PGBD1: variants seen among roughly 807,000 people sequenced by gnomAD.
PGBD1 encodes piggyBac transposable element derived 1.
In PGBD1, 25 loss-of-function variants were observed where a neutral mutation model predicts 34.7. The observed-to-expected ratio is 0.72, with a 90% CI of 0.52 to 1.00. The LOEUF (loss-of-function observed/expected upper bound fraction) is 1.00. Ranked by LOEUF, PGBD1 falls within the 50% of genes least tolerant of loss-of-function variation. PGBD1 has a pLI of 0.00. For missense variants in PGBD1, 830 were observed against 959.4 expected (o/e 0.87, Z 1.78); for synonymous variants, 292 against 335.7 (o/e 0.87, Z 1.42).
chr6:28,284,512 G>T (rs1419452674), intron 2 of PGBD1, among the ~76,000 whole-genome samples: 1 of 151,766 alleles, frequency 6.6e-6, no homozygotes, highest in Admixed American at 6.6e-5. Context: ...TTGAGAGTCA[G>T]TTGCAAACAC....
At position 28,300,634 on chromosome 6, in the gene PGBD1, G is replaced by T; in HGVS notation, c.870-90G>T. 123 of 1,120,972 alleles carry T rather than the reference G, an allele frequency of 1.1e-4. No individual in the cohort carries two copies. Among genetic ancestry groups the T allele is most frequent in the Non-Finnish European group, 1.4e-4 (113 of 796,296 alleles). 69.4% of individuals were successfully genotyped at this position (1,120,972 alleles called of 1,614,324 possible). On this transcript the variant is annotated intron_variant, in intron 6 of 6. Transcript: ENST00000682144. The surrounding 1 kb of genome is among the most constrained non-coding windows in gnomAD (Gnocchi z 4.0). ...AAGTATCCCCCCACACCCACCCCAAGCCCCAAAAGATTTAAGCTTCAGCAG... is the reference window on the plus strand; with the variant it reads ...AAGTATCCCCCCACACCCACCCCAATCCCCAAAAGATTTAAGCTTCAGCAG...
rs751183633 is a variant in PGBD1 at position 28,284,087 on chromosome 6, T to C, written c.274T>C (p.Phe92Leu). The change falls in exon 2 of 7, where the codon TTC (phenylalanine) becomes CTC (leucine). Residue 92 changes from phenylalanine (F) to leucine (L), a missense_variant. Phe to Leu is a conservative substitution (Grantham distance 22). Transcript: ENST00000682144. ...AATGGAACTGCTGGTGCTGGAGCAG[T>C]TCCTGACCATCCTGCCCAAGGAGCT... The part of the protein sequence containing the change: ...QIMELLVLEQ[F>L]LTILPKELQP... 5.6e-6 allele frequency: 9 copies of C among 1,614,132 alleles called. No homozygotes were observed. The South Asian group carries it at 6.6e-5, about 12-fold the overall frequency.
At chr6:28,297,845 T>TTTTTAAAAAAA in intron 5 of PGBD1, 50 bp from the exon 6 acceptor site, 1 of 283,634 alleles carries the variant, frequency 3.5e-6, no homozygotes, top group Non-Finnish European at 6.6e-6. Context: ...TTTTTTTTTT[T>TTTTTAAAAAAA]CAAAATTCAC....
chr6:28,296,917 G>A lies in PGBD1; in HGVS notation c.744G>A (p.Gln248=), dbSNP rs1416083162. The change falls in exon 5 of 7, where the codon CAG becomes CAA. Residue 248 remains glutamine (Q), a synonymous_variant. Transcript: ENST00000682144. The part of the protein sequence containing the change: ...TRRNLCGNSA[Q]ETVMSLSPMT... ...GGAACCTCTGTGGGAACTCAGCTCA[G>A]GAGACAGTTATGAGCCTCAGTCCGA... is the stretch of plus-strand genomic sequence containing the variant. 6.2e-7 allele frequency: 1 copy of A among 1,614,030 alleles called. No homozygotes were observed. The highest frequency in any genetic ancestry group is 2.2e-5 in the East Asian group (1 of 44,898).
Position 28,301,848 on chromosome 6 carries a change from A to G in PGBD1, c.1994A>G (p.His665Arg), listed in dbSNP as rs114746102. ...AAATGTCCCCTTATGAATGTAGAAC[A>G]TATGAAAAAAATGAAGAGAGGGTAT... is the stretch of plus-strand genomic sequence containing the variant. ...TEKCPLMNVE[H>R]MKKMKRGYFD... The change falls in exon 7 of 7, where the codon CAT becomes CGT. Residue 665 changes from histidine to arginine, a missense_variant. His to Arg is a conservative substitution (Grantham distance 29). Transcript: ENST00000682144. The G allele has an allele frequency of 6.2e-7, 1 of 1,614,214 alleles. No homozygotes were observed. The highest frequency in any genetic ancestry group is 8.5e-7 in the Non-Finnish European group (1 of 1,180,044).
At chr6:28,293,842 A>C (rs896030611) in intron 4 of PGBD1, among the ~76,000 whole-genome samples, 1 of 152,194 alleles carries the variant, frequency 6.6e-6, no homozygotes, top group East Asian at 1.9e-4. Flanking sequence ...GTCCTGAGAC[A>C]CAATAATATT....
At chr6:28,284,260 A>G in intron 2 of PGBD1, 51 bp downstream of exon 2, 1 of 1,455,656 alleles carries the variant, frequency 6.9e-7, no homozygotes, top group Non-Finnish European at 9.1e-7. Context: ...GGGGACATGT[A>G]TCGGTTTATT....
rs1225502274 is a variant in PGBD1 at position 28,300,863 on chromosome 6, G to A, written c.1009G>A (p.Asp337Asn). 7 of 1,614,100 alleles carry A rather than the reference G, an allele frequency of 4.3e-6. No homozygotes were observed. Among genetic ancestry groups the A allele is most frequent in the Non-Finnish European group, 5.9e-6 (7 of 1,180,016 alleles). ...CTCATCCCTGGAATATGCTGCAGGA[G>A]ACATTACCCGAAAAGGGAGAAAAAA... ...HISSLEYAAG[D>N]ITRKGRKKDK... Residue 337 changes from aspartate (D) to asparagine (N), a missense_variant, in exon 7 of 7, where the codon GAC becomes AAC. Asp to Asn is a conservative substitution (Grantham distance 23). Coordinates refer to ENST00000682144, the MANE Select transcript of PGBD1 (RefSeq NM_032507.4). This position sits in a 1 kb window ranked among gnomAD's most constrained non-coding sequence, Gnocchi z 4.0.
At chr6:28,295,904 G>A (rs887340691) in intron 4 of PGBD1, among the ~76,000 whole-genome samples, 1 of 152,150 alleles carries the variant, frequency 6.6e-6, no homozygotes, top group Non-Finnish European at 1.5e-5. Context: ...ATAGGGTGAT[G>A]ATGAGTTAAA....
intron 2 of PGBD1, among the ~76,000 whole-genome samples, chr6:28,285,042 A>C (rs1762245487): frequency 1.3e-5 from 2 of 152,142 alleles, no homozygotes; most frequent in Non-Finnish European, 2.9e-5. Flanking sequence ...CTAGTCTGTG[A>C]ATCTGGAGTA....
intron 4 of PGBD1, among the ~76,000 whole-genome samples, chr6:28,294,737 G>GA (rs1250668064): frequency 9.9e-5 from 15 of 151,934 alleles, no homozygotes; most frequent in Admixed American, 9.2e-4. Context: ...ACTCAAAAAA[G>GA]AAAAAAAGAT....
In PGBD1 at chr6:28,302,084, C is replaced by A; in HGVS notation, c.2230C>A (p.Gln744Lys). The change falls in exon 7 of 7, where the codon CAA (glutamine) becomes AAA (lysine). Residue 744 changes from glutamine to lysine, a missense_variant. Gln to Lys is a moderately conservative substitution (Grantham distance 53). Coordinates refer to ENST00000682144, the MANE Select transcript of PGBD1 (RefSeq NM_032507.4). ...ECKEGVAKMD[Q>K]IISKYRVRIR... ...CAAGGAAGGTGTAGCTAAAATGGAT[C>A]AAATTATTTCGAAATACAGGGTGAG... 2.5e-6 allele frequency: 4 copies of A among 1,614,026 alleles called. No individual in the cohort carries two copies. The highest frequency in any genetic ancestry group is 2.7e-5 in the African/African-American group (2 of 74,972).
Position 28,300,447 on chromosome 6 carries a change from G to A in PGBD1, c.870-277G>A, listed in dbSNP as rs181502997. 1.2e-4 allele frequency among the ~76,000 whole-genome samples: 18 copies of A among 152,264 alleles called. No individual in the cohort carries two copies. Among genetic ancestry groups the A allele is most frequent in the Admixed American group, 9.1e-4 (14 of 15,306 alleles). On this transcript the variant is annotated intron_variant, in intron 6 of 6. Transcript: ENST00000682144. The surrounding 1 kb of genome is among the most constrained non-coding windows in gnomAD (Gnocchi z 4.0). ...AAGGAGCATGGGATGTCTGCATCCT[G>A]CTCCTAAAGAGGACAGAGGGAGGAG...
In PGBD1 at chr6:28,283,304, C is replaced by G. The variant is rs546423816; in HGVS notation, c.-38-472C>G. On this transcript the variant is annotated intron_variant, in intron 1 of 6. Coordinates refer to ENST00000682144, the MANE Select transcript of PGBD1 (RefSeq NM_032507.4). ...TCAAGGGAAGGAAAAAGAGACTCCA[C>G]CCCTTGAATGACAACAGTGGCAAAA... is the stretch of plus-strand genomic sequence containing the variant. Among the ~76,000 whole-genome samples the G allele has an allele frequency of 3.2e-4, 48 of 152,294 alleles. 1 individual carries two copies. The South Asian group carries it at 9.3e-3, about 30-fold the overall frequency.
chr6:28,290,930 T>G (rs1762428723), intron 4 of PGBD1, among the ~76,000 whole-genome samples: 1 of 151,850 alleles, frequency 6.6e-6, no homozygotes, highest in Non-Finnish European at 1.5e-5. Context: ...CATATCAAAA[T>G]TTGTGGGATA....
At chr6:28,287,024 GGGTACCCTAAA>G (rs1762304808) in intron 3 of PGBD1, 45 bp from the exon 4 acceptor site, 2 of 1,379,562 alleles carry the variant, frequency 1.4e-6, no homozygotes, top group Non-Finnish European at 2.1e-6. Context: ...TCTCCAAAAA[GGGTACCCTAAA>G]GGCCATCATG....
At chr6:28,293,257 A>T (rs1762525148) in intron 4 of PGBD1, among the ~76,000 whole-genome samples, 1 of 152,130 alleles carries the variant, frequency 6.6e-6, no homozygotes, top group African/African-American at 2.4e-5. Context: ...AGAGCTTTCA[A>T]AGATAACATG....
At position 28,285,627 on chromosome 6, in the gene PGBD1, G is replaced by T. The variant is rs1379432560; in HGVS notation, c.473G>T (p.Ser158Ile). The change falls in exon 3 of 7, where the codon AGC becomes ATC. Residue 158 changes from serine to isoleucine, a missense_variant. Around this residue, in one of 3 missense-constraint regions of PGBD1, gnomAD observed 457 missense variants for 515.4 expected, o/e 0.89. Transcript: ENST00000682144. ...EYQGVSLECQ[S>I]LQLLPGITTL... ...CAAGGAGTCTCTTTGGAGTGTCAGAGCCTCCAGCTCCTGCCTGGGATAACC... is the reference window on the plus strand; with the variant it reads ...CAAGGAGTCTCTTTGGAGTGTCAGATCCTCCAGCTCCTGCCTGGGATAACC... The T allele has an allele frequency of 6.2e-7, 1 of 1,614,026 alleles. No individual in the cohort carries two copies. Among genetic ancestry groups the T allele is most frequent in the South Asian group, 1.1e-5 (1 of 91,086 alleles).
Position 28,283,794 on chromosome 6 carries a change from C to T in PGBD1, c.-20C>T, listed in dbSNP as rs199749086. 3,730 of 1,549,586 alleles carry T rather than the reference C, an allele frequency of 2.4e-3. 143 individuals carry two copies. The South Asian group carries it at 0.041, about 17-fold the overall frequency. On this transcript the variant is annotated 5_prime_UTR_variant, in exon 2 of 7. Coordinates refer to ENST00000682144, the MANE Select transcript of PGBD1 (RefSeq NM_032507.4). ...AATATAGACCCCAAGCTAAGTGAAG[C>T]TTTAGCCTCTAAGCTCAACATGTAT... is the stretch of plus-strand genomic sequence containing the variant.
Sources: allele counts gnomAD v4.1 joint callset (sites outside exome capture counted in the v4.1 genomes callset), GRCh38; gene constraint gnomAD v4.1.1; regional missense constraint gnomAD v4.1.1; non-coding constraint Gnocchi (gnomAD v3.1); transcripts MANE v1.5; gene names NCBI Gene and HGNC (gene_info 2026-07-23, HGNC 2026-07-21).